Variants in SLC9C2 observed in about 807,000 individuals in gnomAD.
SLC9C2 encodes solute carrier family 9 member C2 (putative).
A neutral mutation model predicts 140.2 loss-of-function variants in SLC9C2; 75 were observed. The ratio of observed to expected loss-of-function variants is 0.53; its 90% CI spans 0.44 to 0.65. The LOEUF (loss-of-function observed/expected upper bound fraction) is 0.65. Among genes scored for constraint, SLC9C2 ranks in the 30% least tolerant of loss-of-function variants. The pLI is 0.00. For synonymous variants in SLC9C2, 375 were observed against 420.9 expected, an observed-to-expected ratio of 0.89 and a Z score of 1.34; for missense variants, 1,074 against 1,331.8, an observed-to-expected ratio of 0.81 and a Z score of 3.01.
At chr1:173,588,114 T>C (rs1042115279) in intron 4 of SLC9C2, among the ~76,000 whole-genome samples, 1 of 152,186 alleles carries the variant, frequency 6.6e-6, no homozygotes, top group Non-Finnish European at 1.5e-5. Context: ...AGAATGCAAA[T>C]TTCTCCTGCT....
intron 9 of SLC9C2, among the ~76,000 whole-genome samples, chr1:173,568,039 G>A (rs1476555881): frequency 6.6e-6 from 1 of 152,084 alleles, no homozygotes; most frequent in Non-Finnish European, 1.5e-5. Context: ...GTCTTGAAAA[G>A]TTGTTGAAGT....
intron 9 of SLC9C2, among the ~76,000 whole-genome samples, chr1:173,559,862 TA>T (rs1558066606): frequency 6.6e-6 from 1 of 152,182 alleles, no homozygotes; most frequent in Non-Finnish European, 1.5e-5. Context: ...GGGGATATGA[TA>T]GGGGTGGAGC....
chr1:173,571,973 C>T (rs1664869638), intron 9 of SLC9C2, among the ~76,000 whole-genome samples: 1 of 152,152 alleles, frequency 6.6e-6, no homozygotes, highest in Non-Finnish European at 1.5e-5. Context: ...TTACTATGTG[C>T]CAGGCATGGT....
chr1:173,553,878 G>T (rs1473124116), intron 11 of SLC9C2, among the ~76,000 whole-genome samples: 1 of 152,140 alleles, frequency 6.6e-6, no homozygotes, highest in East Asian at 1.9e-4. Context: ...GGTCTCTGTA[G>T]CAGCAAAGCT....
chr1:173,514,541 A>G (rs1660285915), intron 23 of SLC9C2, among the ~76,000 whole-genome samples: 1 of 151,678 alleles, frequency 6.6e-6, no homozygotes, highest in African/African-American at 2.4e-5. Context: ...TTTTGAGCCT[A>G]TGTGAGATGA....
Position 173,548,388 on chromosome 1 carries a change from C to A in SLC9C2, c.1461+1G>T, listed in dbSNP as rs771459211. The A allele has an allele frequency of 1.2e-5, 20 of 1,610,682 alleles. No individual in the cohort carries two copies. The highest frequency in any genetic ancestry group is 1.7e-5 in the Non-Finnish European group (20 of 1,178,744). ...CTACTTTTTGCCAGGTATCAACTCA[C>A]AGGAATGTATTCGATCCTCGTTTTA... On this transcript the variant is annotated splice_donor_variant, in intron 12 of 27. Transcript: ENST00000367714. LOFTEE classifies it high-confidence loss of function.
chr1:173,535,115 G>A (rs1661848987), intron 15 of SLC9C2, among the ~76,000 whole-genome samples: 1 of 151,854 alleles, frequency 6.6e-6, no homozygotes, highest in African/African-American at 2.4e-5. Context: ...GAAATTCTTT[G>A]GATATATGTC....
At chr1:173,564,129 A>C (rs1664294991) in intron 9 of SLC9C2, among the ~76,000 whole-genome samples, 1 of 152,192 alleles carries the variant, frequency 6.6e-6, no homozygotes, top group South Asian at 2.1e-4. Flanking sequence ...GGTCGCTTCC[A>C]AATCTTGGTT....
At position 173,517,461 on chromosome 1, in the gene SLC9C2, C is replaced by A. The variant is rs1660500355; in HGVS notation, c.2907+76G>T. 3.5e-6 allele frequency: 5 copies of A among 1,425,624 alleles called. 1 individual carries two copies. In the East Asian group the frequency reaches 1.2e-4, roughly 35 times the overall value. The allele number at this position is 1,425,624 out of a possible 1,614,324, so 88.3% of individuals were successfully genotyped here. ...TTGGGTGACTAAGATGTCAAAACCC[C>A]AAAAAAGAAAAGATGCTGGTATTTT... On this transcript the variant is annotated intron_variant, in intron 23 of 27. Coordinates refer to ENST00000367714, the MANE Select transcript of SLC9C2 (RefSeq NM_178527.4).
intron 3 of SLC9C2, 101 bp downstream of exon 3, chr1:173,600,016 C>T (rs1343225127): frequency 1.6e-5 from 11 of 699,796 alleles, no homozygotes; most frequent in Non-Finnish European, 2.5e-5. Flanking sequence ...AGTAGCTGTT[C>T]CCATAAGAAA....
At chr1:173,601,488 G>C (rs1666780539) in intron 2 of SLC9C2, among the ~76,000 whole-genome samples, 162 bp downstream of exon 2, 1 of 152,162 alleles carries the variant, frequency 6.6e-6, no homozygotes, top group East Asian at 1.9e-4. Flanking sequence ...ATATAGAATA[G>C]ACACTACTTA....
At chr1:173,593,605 C>A (rs2102259934) in intron 4 of SLC9C2, among the ~76,000 whole-genome samples, 1 of 152,208 alleles carries the variant, frequency 6.6e-6, no homozygotes, top group South Asian at 2.1e-4. Flanking sequence ...AAGCAAGACC[C>A]AATGGTATGA....
At chr1:173,567,992 T>G (rs1664592466) in intron 9 of SLC9C2, among the ~76,000 whole-genome samples, 1 of 152,144 alleles carries the variant, frequency 6.6e-6, no homozygotes, top group South Asian at 2.1e-4. Flanking sequence ...TTTAACTTTT[T>G]GTTGTTTCTT....
intron 10 of SLC9C2, 83 bp from the exon 11 acceptor site, chr1:173,554,897 C>A: frequency 1.2e-6 from 1 of 834,484 alleles, no homozygotes; most frequent in Admixed American, 2.2e-5. Context: ...TAGCCACTTA[C>A]AAAATTCTAT....
chr1:173,583,442 T>C (rs574276768), intron 6 of SLC9C2, 64 bp downstream of exon 6: 41 of 929,900 alleles, frequency 4.4e-5, no homozygotes, highest in Admixed American at 1.5e-4. Flanking sequence ...GTTAAAACAT[T>C]TGAATGTATT....
intron 21 of SLC9C2, among the ~76,000 whole-genome samples, chr1:173,523,529 C>G (rs1314435156): frequency 6.6e-6 from 1 of 152,194 alleles, no homozygotes; most frequent in Non-Finnish European, 1.5e-5. Flanking sequence ...CCTGTGGCAA[C>G]CGTCAGCTGA....
chr1:173,509,724 T>G, intron 23 of SLC9C2, 25 bp from the exon 24 acceptor site: 1 of 1,565,690 alleles, frequency 6.4e-7, no homozygotes, highest in Non-Finnish European at 8.6e-7. Flanking sequence ...AACCAGGCCA[T>G]AGCAGCTTGA....
chr1:173,534,232 C>T (rs1478774124), intron 16 of SLC9C2, among the ~76,000 whole-genome samples: 1 of 152,086 alleles, frequency 6.6e-6, no homozygotes, highest in Non-Finnish European at 1.5e-5. Context: ...TCTGGATTTT[C>T]AATTCTCCTT....
intron 24 of SLC9C2, among the ~76,000 whole-genome samples, chr1:173,508,988 AG>A (rs67419313): frequency 0.13 from 19,229 of 152,002 alleles, 4,073 homozygotes; most frequent in African/African-American, 0.44. Context: ...TGCTTGGTTC[AG>A]GGGGGGATCT....
Sources: allele counts gnomAD v4.1 joint callset (sites outside exome capture counted in the v4.1 genomes callset), GRCh38; gene constraint gnomAD v4.1.1; transcripts MANE v1.5; gene names NCBI Gene and HGNC (gene_info 2026-07-23, HGNC 2026-07-21).